MAPK10: variants seen among roughly 807,000 people sequenced by gnomAD.
MAPK10 encodes the protein mitogen-activated protein kinase 10, also known as JNK3 alpha protein kinase.
In MAPK10, 25 loss-of-function variants were observed where a neutral mutation model predicts 59.3. The observed-to-expected ratio is 0.42, with a 90% CI of 0.31 to 0.59. MAPK10 has a LOEUF of 0.59. Among genes scored for constraint, MAPK10 ranks in the 20% least tolerant of loss-of-function variants. The probability of loss-of-function intolerance (pLI) is 0.15; values close to 1 mark genes in which losing one functional copy is unlikely to be tolerated. For missense variants in MAPK10, 351 were observed against 568.9 expected, an observed-to-expected ratio of 0.62 and a Z score of 3.90; for synonymous variants, 190 against 200.5, an observed-to-expected ratio of 0.95 and a Z score of 0.44.
At chr4:86,442,599 T>G (rs1278008437) in intron 1 of MAPK10, among the ~76,000 whole-genome samples, 1 of 152,248 alleles carries the variant, frequency 6.6e-6, no homozygotes, top group Admixed American at 6.5e-5. Flanking sequence ...TAAGATGGTA[T>G]GTACCTTTCT....
intron 13 of MAPK10, among the ~76,000 whole-genome samples, chr4:86,018,663 T>C (rs113937017): frequency 0.027 from 4,108 of 152,286 alleles, 173 homozygotes; most frequent in African/African-American, 0.094. Context: ...CCATTTACTT[T>C]TTTTCTTTGT....
chr4:86,037,648 T>A (rs1029200350), intron 11 of MAPK10, among the ~76,000 whole-genome samples: 1 of 152,172 alleles, frequency 6.6e-6, no homozygotes, highest in Non-Finnish European at 1.5e-5. Flanking sequence ...CAAAGATACA[T>A]GGGAAGTATC....
rs2064618100 is a variant in MAPK10 at position 86,145,192 on chromosome 4, G to A, written c.236+14106C>T. On this transcript the variant is annotated intron_variant, in intron 4 of 13. Coordinates refer to ENST00000641462, the MANE Select transcript of MAPK10 (RefSeq NM_138982.4). ...TAGCACAAGGGTCAAAAGATTTCTT[G>A]GTCCATTCAAATTTCTATCTCTAGC... 1.3e-5 allele frequency among the ~76,000 whole-genome samples: 2 copies of A among 151,672 alleles called. 1 individual carries two copies. Among genetic ancestry groups the A allele is most frequent in the Admixed American group, 1.3e-4 (2 of 15,218 alleles).
chr4:86,136,472 G>C (rs1156966370), intron 4 of MAPK10, among the ~76,000 whole-genome samples: 4 of 150,372 alleles, frequency 2.7e-5, no homozygotes, highest in Non-Finnish European at 4.4e-5. Context: ...ATACTTTACA[G>C]ACAAGCAAAT....
rs141279796 is a variant in MAPK10 at position 86,445,546 on chromosome 4, C to T, written c.-122+7484G>A. On this transcript the variant is annotated intron_variant, in intron 1 of 13. Coordinates refer to the MAPK10 transcript ENST00000361569. ...ATGTAACAAACCTGCACATCCTACA[C>T]GTGTGCCCTGGAACTTAAAATAAGG... is the stretch of plus-strand genomic sequence containing the variant. Among the ~76,000 whole-genome samples, 12 of 152,136 alleles carry T rather than the reference C, an allele frequency of 7.9e-5. No individual in the cohort carries two copies. In the East Asian group the frequency reaches 1.9e-3, roughly 24 times the overall value.
chr4:86,181,875 C>A (rs983306031), intron 3 of MAPK10, among the ~76,000 whole-genome samples: 1 of 152,040 alleles, frequency 6.6e-6, no homozygotes, highest in Non-Finnish European at 1.5e-5. Flanking sequence ...GTGAATATAT[C>A]TCCTGGTTAA....
At chr4:86,561,220 C>T (rs984980670) in intron 1 of MAPK10, among the ~76,000 whole-genome samples, 1 of 152,120 alleles carries the variant, frequency 6.6e-6, no homozygotes. Context: ...AATGCTCCAG[C>T]CCAGTTCTTA....
intron 2 of MAPK10, among the ~76,000 whole-genome samples, chr4:86,260,657 A>G (rs2093949875): frequency 6.6e-6 from 1 of 152,064 alleles, no homozygotes; most frequent in Non-Finnish European, 1.5e-5. Context: ...TCAATGGGTC[A>G]CTCTTCATAT....
At chr4:86,033,302 A>C (rs536535839) in intron 11 of MAPK10, among the ~76,000 whole-genome samples, 2 of 152,350 alleles carry the variant, frequency 1.3e-5, no homozygotes, top group African/African-American at 4.8e-5. Context: ...TTAGGCCGCT[A>C]TCCAAGCGAC....
chr4:86,302,298 G>C lies in MAPK10; in HGVS notation c.-7+52232C>G, dbSNP rs768637671. Among the ~76,000 whole-genome samples the C allele has an allele frequency of 2.1e-4, 32 of 152,186 alleles. 1 individual carries two copies. The highest frequency in any genetic ancestry group is 3.8e-4 in the Non-Finnish European group (26 of 68,036). On this transcript the variant is annotated intron_variant, in intron 2 of 13. Transcript: ENST00000641462. The stretch of plus-strand genomic sequence containing the variant: ...GTTTTAAATTCACTACAGGCAAAAC[G>C]CTCACTAGTTTTCTACGTATGATTC...
chr4:86,321,027 A>G (rs1005365307), intron 2 of MAPK10, among the ~76,000 whole-genome samples: 2 of 152,228 alleles, frequency 1.3e-5, no homozygotes, highest in Non-Finnish European at 2.9e-5. Flanking sequence ...AATCAAAACC[A>G]TAATGAGATA....
chr4:86,134,936 G>A (rs1423060594), intron 4 of MAPK10, among the ~76,000 whole-genome samples: 3 of 152,182 alleles, frequency 2.0e-5, no homozygotes, highest in Non-Finnish European at 4.4e-5. Context: ...ATGGCACCTG[G>A]AAAATCGGGT....
At chr4:86,445,147 T>G (rs1377302463) in intron 1 of MAPK10, among the ~76,000 whole-genome samples, 1 of 152,072 alleles carries the variant, frequency 6.6e-6, no homozygotes, top group Non-Finnish European at 1.5e-5. Context: ...TTATTCACAA[T>G]AGCAAAGACA....
At chr4:86,372,541 A>G (rs1564748784) in intron 1 of MAPK10, among the ~76,000 whole-genome samples, 1 of 72,942 alleles carries the variant, frequency 1.4e-5, no homozygotes, top group Non-Finnish European at 2.7e-5. Flanking sequence ...AGAAAGAAAG[A>G]AAGAAAGAAA....
intron 3 of MAPK10, among the ~76,000 whole-genome samples, chr4:86,186,605 A>T (rs2078292813): frequency 6.6e-6 from 1 of 152,108 alleles, no homozygotes; most frequent in Non-Finnish European, 1.5e-5. Flanking sequence ...TGTTTCAATG[A>T]TTCATGTCAT....
At chr4:86,517,959 T>C (rs1311638377) in intron 1 of MAPK10, among the ~76,000 whole-genome samples, 2 of 152,164 alleles carry the variant, frequency 1.3e-5, no homozygotes. Flanking sequence ...TCTTGTTACT[T>C]GTTATTGCTC....
intron 1 of MAPK10, among the ~76,000 whole-genome samples, chr4:86,556,627 C>T (rs559606506): frequency 2.6e-5 from 4 of 151,878 alleles, no homozygotes; most frequent in African/African-American, 9.7e-5. Flanking sequence ...AAAACAAATA[C>T]CAGAGAAAAG....
intron 1 of MAPK10, among the ~76,000 whole-genome samples, chr4:86,371,182 C>T (rs770837730): frequency 1.1e-4 from 16 of 151,624 alleles, no homozygotes; most frequent in East Asian, 2.0e-4. Context: ...AAGTCAAAGT[C>T]GCTATCATTT....
intron 2 of MAPK10, among the ~76,000 whole-genome samples, chr4:86,284,150 T>C (rs550561724): frequency 4.7e-4 from 72 of 152,318 alleles, no homozygotes; most frequent in Non-Finnish European, 7.5e-4. Context: ...TTACATGTAA[T>C]GCAATACTCA....
Sources: gnomAD v4.1 joint callset for allele counts (sites outside exome capture counted in the v4.1 genomes callset) on GRCh38, gnomAD v4.1.1 for gene constraint, MANE v1.5 for transcripts, NCBI Gene and HGNC (gene_info 2026-07-23, HGNC 2026-07-21) for gene names.